The following DPYSL2 variants were observed in gnomAD, a reference collection of about 807,000 sequenced individuals.
DPYSL2 encodes the protein dihydropyrimidinase-related protein 2.
In DPYSL2, 13 loss-of-function variants were observed where a neutral mutation model predicts 69.9. The ratio of observed to expected loss-of-function variants is 0.19; its 90% confidence interval spans 0.12 to 0.30. The LOEUF (loss-of-function observed/expected upper bound fraction) is 0.30, where lower values mean the gene tolerates loss of function less well. Ranked by LOEUF, DPYSL2 falls within the 10% of genes least tolerant of loss-of-function variation. The pLI is 1.00. For missense variants in DPYSL2, 587 were observed against 918.9 expected (o/e 0.64, Z 4.67); for synonymous variants, 326 against 359.1 (o/e 0.91, Z 1.04).
At chr8:26,607,587 C>A (rs116518552) in intron 3 of DPYSL2, among the ~76,000 whole-genome samples, 1 of 151,444 alleles carries the variant, frequency 6.6e-6, no homozygotes, top group Non-Finnish European at 1.5e-5. Context: ...CCCAGAAATT[C>A]AAGACCAGCC....
rs1690813491 is a variant in DPYSL2 at position 26,641,467 on chromosome 8, C to G, written c.1127-1972C>G. ...ACCAAAAGCGGGGAGCCAGAGAGAT[C>G]CTTTGAGAACTGATGACTGCTGCTG... is the stretch of plus-strand genomic sequence containing the variant. On this transcript the variant is annotated intron_variant, in intron 8 of 13. Coordinates refer to ENST00000521913, the MANE Select transcript of DPYSL2 (RefSeq NM_001197293.3). The surrounding 1 kb of genome is among the most constrained non-coding windows in gnomAD (Gnocchi z 4.1). 6.6e-6 allele frequency among the ~76,000 whole-genome samples: 1 copy of G among 152,194 alleles called. No homozygotes were observed. The highest frequency in any genetic ancestry group is 1.5e-5 in the Non-Finnish European group (1 of 68,052).
Position 26,571,900 on chromosome 8 carries a change from G to A in DPYSL2, c.355-10069G>A, listed in dbSNP as rs1005930413. On this transcript the variant is annotated intron_variant, in intron 1 of 13. Coordinates refer to ENST00000521913, the MANE Select transcript of DPYSL2 (RefSeq NM_001197293.3). The surrounding 1 kb of genome is among the most constrained non-coding windows in gnomAD (Gnocchi z 6.1). ...AGCTACACACACAAAGAAAACGATC[G>A]TCATTGCCTGATTCCATCTGCAGTG... Among the ~76,000 whole-genome samples the A allele has an allele frequency of 1.8e-4, 27 of 152,198 alleles. No individual in the cohort carries two copies. Among genetic ancestry groups the A allele is most frequent in the Non-Finnish European group, 2.6e-4 (18 of 68,030 alleles).
At chr8:26,576,766 C>A (rs1290784278) in intron 1 of DPYSL2, among the ~76,000 whole-genome samples, 1 of 152,258 alleles carries the variant, frequency 6.6e-6, no homozygotes, top group South Asian at 2.1e-4. Flanking sequence ...ATAAACTCTT[C>A]CTTTCTTGCT....
At chr8:26,625,608 C>A (rs2129909049) in intron 4 of DPYSL2, among the ~76,000 whole-genome samples, 1 of 152,234 alleles carries the variant, frequency 6.6e-6, no homozygotes, top group South Asian at 2.1e-4. Context: ...CTCCAAGACG[C>A]CAGGATGAGA....
rs902769004 is a variant in DPYSL2, at chr8:26,597,725, C to T, written c.628+13742C>T. 1.5e-4 allele frequency among the ~76,000 whole-genome samples: 22 copies of T among 151,116 alleles called. No individual in the cohort carries two copies. Among genetic ancestry groups the T allele is most frequent in the East Asian group, 5.8e-4 (3 of 5,132 alleles). The stretch of plus-strand genomic sequence containing the variant: ...TCCTGACCTTGTGATCCACCCGCCT[C>T]GGCCTCCCAAAGTGCTGGGATTACA... On this transcript the variant is annotated intron_variant, in intron 3 of 13. Transcript: ENST00000521913. This position sits in a 1 kb window ranked among gnomAD's most constrained non-coding sequence, Gnocchi z 5.2.
At chr8:26,576,034 C>CCTTG (rs1419138841) in intron 1 of DPYSL2, among the ~76,000 whole-genome samples, 2 of 152,190 alleles carry the variant, frequency 1.3e-5, no homozygotes, top group African/African-American at 2.4e-5. Flanking sequence ...CATCATCTCA[C>CCTTG]CTTGCTTGCG....
At chr8:26,558,660 A>T (rs548556173) in intron 1 of DPYSL2, among the ~76,000 whole-genome samples, 1 of 152,360 alleles carries the variant, frequency 6.6e-6, no homozygotes, top group South Asian at 2.1e-4. Flanking sequence ...CAAGATGTTA[A>T]TATATTAGTA....
chr8:26,653,900 G>C lies in DPYSL2; in HGVS notation c.1942+503G>C, dbSNP rs1465943173. Among the ~76,000 whole-genome samples, 1 of 152,134 alleles carries C rather than the reference G, an allele frequency of 6.6e-6. No individual in the cohort carries two copies. Among genetic ancestry groups the C allele is most frequent in the Admixed American group, 6.5e-5 (1 of 15,270 alleles). On this transcript the variant is annotated intron_variant, in intron 13 of 13. Coordinates refer to ENST00000521913, the MANE Select transcript of DPYSL2 (RefSeq NM_001197293.3). This position sits in a 1 kb window ranked among gnomAD's most constrained non-coding sequence, Gnocchi z 5.7. The stretch of plus-strand genomic sequence containing the variant: ...ATTTTCATAGTTAATGACTGGTTGG[G>C]TTTCAGAATCTTGAGATCAGTTTGT...
chr8:26,531,159 G>T (rs576340193), intron 1 of DPYSL2, among the ~76,000 whole-genome samples: 1 of 152,074 alleles, frequency 6.6e-6, no homozygotes, highest in African/African-American at 2.4e-5. Context: ...TTGGGGATTA[G>T]GTTTTCAATA....
At chr8:26,532,489 A>T (rs186091321) in intron 1 of DPYSL2, among the ~76,000 whole-genome samples, 3 of 152,310 alleles carry the variant, frequency 2.0e-5, no homozygotes, top group African/African-American at 7.2e-5. Flanking sequence ...GAACATTTGC[A>T]TCATCCCCAA....
In DPYSL2 at chr8:26,655,759, A is replaced by G; in HGVS notation, c.*53A>G. On this transcript the variant is annotated 3_prime_UTR_variant, in exon 14 of 14. Coordinates refer to ENST00000521913, the MANE Select transcript of DPYSL2 (RefSeq NM_001197293.3). Reference sequence around the variant, plus strand: ...GACTGGGGATGGGACACCTGAGGACATTCTGAGACTTCTTTCTTCCTTCCT... The same window carrying G: ...GACTGGGGATGGGACACCTGAGGACGTTCTGAGACTTCTTTCTTCCTTCCT... 1 of 1,320,656 alleles carries G rather than the reference A, an allele frequency of 7.6e-7. No homozygotes were observed. The highest frequency in any genetic ancestry group is 1.0e-6 in the Non-Finnish European group (1 of 977,554). 81.8% of individuals were successfully genotyped at this position (1,320,656 alleles called of 1,614,324 possible). A position where few individuals can be genotyped will look rare whatever the true frequency, so the allele number is the denominator to read the frequency against.
chr8:26,519,687 T>A (rs62492695), intron 1 of DPYSL2, among the ~76,000 whole-genome samples: 1,999 of 152,276 alleles, frequency 0.013, 22 homozygotes, highest in Middle Eastern at 0.071. Context: ...TAATATTTCC[T>A]AATCTAGTAT....
intron 3 of DPYSL2, among the ~76,000 whole-genome samples, chr8:26,611,841 A>G (rs973578805): frequency 6.6e-6 from 1 of 152,216 alleles, no homozygotes; most frequent in East Asian, 1.9e-4. Context: ...GGACCCGGAA[A>G]GAGGGACTCA....
chr8:26,561,398 T>C (rs1433688874), intron 1 of DPYSL2, among the ~76,000 whole-genome samples: 1 of 152,154 alleles, frequency 6.6e-6, no homozygotes, highest in Non-Finnish European at 1.5e-5. Context: ...CATCCATGAG[T>C]GGATGTTCCT....
chr8:26,538,704 T>C (rs1306702324), intron 1 of DPYSL2, among the ~76,000 whole-genome samples: 1 of 152,208 alleles, frequency 6.6e-6, no homozygotes, highest in East Asian at 1.9e-4. Flanking sequence ...CTTCCCACAA[T>C]CACGTGCATG....
chr8:26,643,149 T>C lies in DPYSL2; in HGVS notation c.1127-290T>C, dbSNP rs2129969662. The C allele has an allele frequency of 3.1e-6, 1 of 324,628 alleles. No individual in the cohort carries two copies. Among genetic ancestry groups the C allele is most frequent in the Non-Finnish European group, 5.6e-6 (1 of 179,292 alleles). 20.1% of individuals were successfully genotyped at this position (324,628 alleles called of 1,614,324 possible). On this transcript the variant is annotated intron_variant, in intron 8 of 13. Transcript: ENST00000521913. This position sits in a 1 kb window ranked among gnomAD's most constrained non-coding sequence, Gnocchi z 6.5. ...AGCAGGAGATTAATGGAATTGAAAA[T>C]CAGCAACGTAGGAGACAGAAGCCTT...
intron 1 of DPYSL2, among the ~76,000 whole-genome samples, chr8:26,546,314 G>A (rs1274173043): frequency 2.0e-5 from 3 of 152,174 alleles, no homozygotes; most frequent in Non-Finnish European, 4.4e-5. Context: ...ATACAGGAAA[G>A]CAATGGACTT....
chr8:26,578,320 G>A (rs780998156), intron 1 of DPYSL2: 2 of 1,613,964 alleles, frequency 1.2e-6, no homozygotes, highest in East Asian at 2.2e-5. Context: ...GGAAATCTGC[G>A]GTCGGCCAGC....
chr8:26,635,034 T>A, intron 8 of DPYSL2, 134 bp downstream of exon 8: 1 of 1,335,994 alleles, frequency 7.5e-7, no homozygotes, highest in Non-Finnish European at 1.0e-6. Flanking sequence ...GGCATTAACC[T>A]AATTACAGCC....
Sources: allele counts gnomAD v4.1 joint callset (sites outside exome capture counted in the v4.1 genomes callset), GRCh38; gene constraint gnomAD v4.1.1; non-coding constraint Gnocchi (gnomAD v3.1); transcripts MANE v1.5; gene names NCBI Gene and HGNC (gene_info 2026-07-23, HGNC 2026-07-21).